The following RALGDS variants were observed in gnomAD, a reference collection of about 807,000 sequenced individuals.
RALGDS encodes ral guanine nucleotide exchange factor.
A neutral mutation model predicts 99.8 loss-of-function variants in RALGDS; 44 were observed. The ratio of observed to expected loss-of-function variants is 0.44; its 90% CI spans 0.35 to 0.57. The LOEUF (loss-of-function observed/expected upper bound fraction) is 0.57, where lower values mean the gene tolerates loss of function less well. Among genes scored for constraint, RALGDS ranks in the 20% least tolerant of loss-of-function variants. RALGDS has a pLI of 0.01. For missense variants in RALGDS, 1,022 were observed against 1,203.1 expected, an observed-to-expected ratio of 0.85 and a Z score of 2.23; for synonymous variants, 529 against 505.0, an observed-to-expected ratio of 1.05 and a Z score of -0.64.
chr9:133,140,639 C>T (rs1214531197), intron 1 of RALGDS, among the ~76,000 whole-genome samples: 1 of 151,842 alleles, frequency 6.6e-6, no homozygotes, highest in Non-Finnish European at 1.5e-5. Context: ...ATTATGTGCC[C>T]ACCATGCAGT....
intron 1 of RALGDS, among the ~76,000 whole-genome samples, chr9:133,143,780 CAACAACAATAATAATAATAAT>C (rs1221843050): frequency 9.6e-6 from 1 of 103,804 alleles, no homozygotes; most frequent in African/African-American, 5.1e-5. Flanking sequence ...ATAACAACAA[CAACAACAATAATAATAATAAT>C]AATAATAATA....
chr9:133,119,009 C>T (rs531360473), intron 1 of RALGDS, among the ~76,000 whole-genome samples: 141 of 152,336 alleles, frequency 9.3e-4, no homozygotes, highest in Non-Finnish European at 1.7e-3. Context: ...GATGGGGGCA[C>T]GGACCAGGTC....
upstream of RALGDS, among the ~76,000 whole-genome samples, chr9:133,124,954 A>T (rs1832100408): frequency 6.6e-6 from 1 of 152,272 alleles, no homozygotes; most frequent in African/African-American, 2.4e-5. Context: ...AACATGTTCA[A>T]CACACCACAA....
chr9:133,142,846 C>G (rs553157999), intron 1 of RALGDS, among the ~76,000 whole-genome samples: 1 of 152,358 alleles, frequency 6.6e-6, no homozygotes, highest in East Asian at 1.9e-4. Flanking sequence ...CGGGCCCAGC[C>G]CTGACCGTTG....
Position 133,098,276 on chromosome 9 carries a change from A to C in RALGDS, c.*311T>G. Reference sequence around the variant, plus strand: ...CCCACACCTGGGAAGGTGTCAGGGAAGTGTACAGAGGTGGCGCCCGGGGGC... The same window carrying C: ...CCCACACCTGGGAAGGTGTCAGGGACGTGTACAGAGGTGGCGCCCGGGGGC... On this transcript the variant is annotated 3_prime_UTR_variant, in exon 18 of 18. Coordinates refer to ENST00000372050, the MANE Select transcript of RALGDS (RefSeq NM_006266.4). 4.7e-5 allele frequency: 21 copies of C among 448,770 alleles called. No individual in the cohort carries two copies. Among genetic ancestry groups the C allele is most frequent in the Middle Eastern group, 6.3e-4 (1 of 1,576 alleles). The allele number at this position is 448,770 out of a possible 1,614,324, so 27.8% of individuals were successfully genotyped here.
At chr9:133,121,779 T>G (rs1264777999), upstream of RALGDS, among the ~76,000 whole-genome samples, 1 of 152,204 alleles carries the variant, frequency 6.6e-6, no homozygotes, top group African/African-American at 2.4e-5. Flanking sequence ...GTAATGGACA[T>G]GAAGCACTCA....
intron 1 of RALGDS, among the ~76,000 whole-genome samples, chr9:133,147,212 T>G (rs1160344264): frequency 1.3e-5 from 2 of 152,158 alleles, no homozygotes; most frequent in Non-Finnish European, 2.9e-5. Flanking sequence ...CATCACACTG[T>G]CCAGACTCGT....
intron 11 of RALGDS, 87 bp from the exon 12 acceptor site, chr9:133,103,349 C>G (rs1344360757): frequency 1.3e-6 from 2 of 1,528,558 alleles, no homozygotes; most frequent in Non-Finnish European, 1.8e-6. Context: ...TCAAGAGTGC[C>G]CACCAGGGGG....
In RALGDS at chr9:133,106,732, T is replaced by C; in HGVS notation, c.1430A>G (p.Lys477Arg). The C allele has an allele frequency of 6.2e-7, 1 of 1,611,910 alleles. No homozygotes were observed. Among genetic ancestry groups the C allele is most frequent in the Non-Finnish European group, 8.5e-7 (1 of 1,178,736 alleles). ...GATGGCATACAGTGACGAGAAGTTC[T>C]TGAGGATCCGGCACTCCTGGGGCGG... ...IEVARECRIL[K>R]NFSSLYAILS... Residue 477 changes from lysine (K) to arginine (R), a missense_variant, in exon 8 of 18, where the codon AAG becomes AGG. Transcript: ENST00000372050.
intron 9 of RALGDS, 28 bp downstream of exon 9, chr9:133,105,904 C>A (rs747091981): frequency 1.2e-5 from 8 of 658,742 alleles, no homozygotes; most frequent in Non-Finnish European, 1.9e-5. Context: ...CCCGCCCCAG[C>A]CCCCGCCCCA....
intron 1 of RALGDS, among the ~76,000 whole-genome samples, chr9:133,129,821 TTTTTTTTTC>T (rs1190599017): frequency 3.0e-5 from 4 of 131,992 alleles, no homozygotes; most frequent in Non-Finnish European, 6.5e-5. Context: ...TTTTTTTTTT[TTTTTTTTTC>T]CCTGAGATGG....
intron 1 of RALGDS, among the ~76,000 whole-genome samples, chr9:133,120,467 T>C (rs1277719310): frequency 6.4e-5 from 6 of 93,228 alleles, no homozygotes; most frequent in Non-Finnish European, 1.0e-4. Flanking sequence ...CCGATGTCCC[T>C]GGTCACCAGA....
At chr9:133,138,748 C>T (rs192813806) in intron 1 of RALGDS, among the ~76,000 whole-genome samples, 1 of 152,318 alleles carries the variant, frequency 6.6e-6, no homozygotes, top group East Asian at 1.9e-4. Flanking sequence ...AATTCTCCTG[C>T]CTCAGCCTCC....
chr9:133,148,942 C>G (rs1481234055), intron 1 of RALGDS: 1 of 1,602,048 alleles, frequency 6.2e-7, no homozygotes. Context: ...CGACGCGAGG[C>G]TGGGGACGGC....
intron 1 of RALGDS, among the ~76,000 whole-genome samples, chr9:133,115,817 T>C (rs1831577291): frequency 1.3e-5 from 2 of 152,200 alleles, no homozygotes; most frequent in South Asian, 4.1e-4. Context: ...CGAGGGACAC[T>C]GTAAAGAGAG....
chr9:133,144,406 C>T lies in RALGDS; in HGVS notation c.18+4557G>A, dbSNP rs1161492691. Among the ~76,000 whole-genome samples the T allele has an allele frequency of 6.6e-6, 1 of 152,214 alleles. No homozygotes were observed. Among genetic ancestry groups the T allele is most frequent in the Non-Finnish European group, 1.5e-5 (1 of 68,036 alleles). ...TCCTCCGCCCCCCGCCGGCCTCCGA[C>T]GCAAAGTCGCCACCCAGTCACCCCG... On this transcript the variant is annotated intron_variant, in intron 1 of 17. Transcript: ENST00000393160. This position sits in a 1 kb window ranked among gnomAD's most constrained non-coding sequence, Gnocchi z 4.5.
At chr9:133,123,090 G>A (rs958446115), upstream of RALGDS, among the ~76,000 whole-genome samples, 20 of 152,160 alleles carry the variant, frequency 1.3e-4, no homozygotes, top group African/African-American at 4.3e-4. Flanking sequence ...CCTCCAAGCC[G>A]TTTGGCCAGG....
chr9:133,141,972 G>T (rs1046411010), intron 1 of RALGDS, among the ~76,000 whole-genome samples: 1 of 152,182 alleles, frequency 6.6e-6, no homozygotes, highest in Non-Finnish European at 1.5e-5. Flanking sequence ...CAAAGCACAC[G>T]GTACCACACG....
intron 1 of RALGDS, 127 bp from the exon 2 acceptor site, chr9:133,112,279 A>C (rs1831385790): frequency 2.9e-6 from 2 of 696,886 alleles, no homozygotes; most frequent in Non-Finnish European, 5.2e-6. Flanking sequence ...ACAGACCTAC[A>C]GCCTGGGGTG....
Sources: gnomAD v4.1 joint callset for allele counts (sites outside exome capture counted in the v4.1 genomes callset) on GRCh38, gnomAD v4.1.1 for gene constraint, Gnocchi (gnomAD v3.1) non-coding constraint, MANE v1.5 for transcripts, NCBI Gene and HGNC (gene_info 2026-07-23, HGNC 2026-07-21) for gene names.